UBAC2: variants seen among roughly 807,000 people sequenced by gnomAD.
UBAC2 encodes the protein ubiquitin-associated domain-containing protein 2.
In UBAC2, 26 loss-of-function variants were observed where a neutral mutation model predicts 44.0. The ratio of observed to expected loss-of-function variants is 0.59; its 90% confidence interval spans 0.43 to 0.82. The LOEUF is 0.82. Ranked by LOEUF, UBAC2 falls within the 40% of genes least tolerant of loss-of-function variation. The pLI is 0.00. For synonymous variants in UBAC2, 155 were observed against 154.3 expected, an observed-to-expected ratio of 1.00 and a Z score of -0.04; for missense variants, 329 against 419.4, an observed-to-expected ratio of 0.78 and a Z score of 1.88.
At chr13:99,345,714 T>C (rs7323390) in intron 7 of UBAC2, among the ~76,000 whole-genome samples, 39,347 of 151,196 alleles carry the variant, frequency 0.26, 5,957 homozygotes, top group African/African-American at 0.42. Flanking sequence ...CATCAGCTCT[T>C]GACAGGTACT....
intron 4 of UBAC2, among the ~76,000 whole-genome samples, chr13:99,262,968 T>C (rs1427157634): frequency 1.3e-5 from 2 of 152,176 alleles, no homozygotes; most frequent in Non-Finnish European, 2.9e-5. Context: ...CAGAGGTGAC[T>C]GTCAGGCATG....
chr13:99,230,139 A>G (rs892266626), intron 1 of UBAC2, among the ~76,000 whole-genome samples: 4 of 152,166 alleles, frequency 2.6e-5, no homozygotes, highest in Non-Finnish European at 5.9e-5. Flanking sequence ...TTGCTTCTCT[A>G]ACAAATTATC....
rs551017035 is a variant in UBAC2, at chr13:99,227,704, A to G, written c.32-10723A>G. ...GTTTTTCTGTCCTGTCTACACTCCA[A>G]ACCACAAGGCTAGGGACTTTGTCCA... On this transcript the variant is annotated intron_variant, in intron 1 of 8. Coordinates refer to ENST00000403766, the MANE Select transcript of UBAC2 (RefSeq NM_001144072.2). Among the ~76,000 whole-genome samples the G allele has an allele frequency of 2.9e-4, 44 of 152,302 alleles. 1 individual carries two copies. Among genetic ancestry groups the G allele is most frequent in the Admixed American group, 2.9e-3 (44 of 15,296 alleles).
At chr13:99,253,536 C>T (rs1382098626) in intron 4 of UBAC2, among the ~76,000 whole-genome samples, 3 of 151,034 alleles carry the variant, frequency 2.0e-5, no homozygotes, top group African/African-American at 4.9e-5. Context: ...TTTTTTGAGA[C>T]GGAGTCTCGC....
chr13:99,323,227 A>G (rs939530250), intron 6 of UBAC2, among the ~76,000 whole-genome samples: 1 of 152,122 alleles, frequency 6.6e-6, no homozygotes, highest in Non-Finnish European at 1.5e-5. Flanking sequence ...CTGATGCACA[A>G]GCCTCCCAGT....
intron 1 of UBAC2, among the ~76,000 whole-genome samples, chr13:99,202,903 T>G (rs1436654152): frequency 6.6e-6 from 1 of 152,222 alleles, no homozygotes; most frequent in Middle Eastern, 3.2e-3. Flanking sequence ...GTGCTTACAG[T>G]GCTGACGGAG....
intron 4 of UBAC2, among the ~76,000 whole-genome samples, chr13:99,304,428 C>T (rs2044301263): frequency 6.6e-6 from 1 of 152,142 alleles, no homozygotes; most frequent in African/African-American, 2.4e-5. Context: ...TGATTTTCTT[C>T]CCTGTCTCCC....
At chr13:99,204,964 T>G (rs557700228) in intron 1 of UBAC2, among the ~76,000 whole-genome samples, 1 of 140,970 alleles carries the variant, frequency 7.1e-6, no homozygotes, top group Admixed American at 7.5e-5. Flanking sequence ...AGTGCAGCGG[T>G]GTGATCTCAG....
At chr13:99,254,388 G>A (rs1406246320) in intron 4 of UBAC2, among the ~76,000 whole-genome samples, 1 of 152,156 alleles carries the variant, frequency 6.6e-6, no homozygotes, top group Non-Finnish European at 1.5e-5. Flanking sequence ...GCTGTAACAG[G>A]CCCCTTGGGT....
chr13:99,380,154 T>G (rs2045532346), intron 8 of UBAC2, among the ~76,000 whole-genome samples: 1 of 152,228 alleles, frequency 6.6e-6, no homozygotes, highest in Non-Finnish European at 1.5e-5. Flanking sequence ...ACTTGCCATT[T>G]GTACTGCCAT....
intron 4 of UBAC2, among the ~76,000 whole-genome samples, chr13:99,309,669 T>C (rs2044386563): frequency 1.3e-5 from 2 of 151,860 alleles, no homozygotes; most frequent in Admixed American, 1.3e-4. Flanking sequence ...GGCACGATCT[T>C]GGCTCACTGC....
At chr13:99,248,663 G>T (rs976746945) in intron 4 of UBAC2, among the ~76,000 whole-genome samples, 1 of 152,166 alleles carries the variant, frequency 6.6e-6, no homozygotes, top group African/African-American at 2.4e-5. Flanking sequence ...GATTACAGGC[G>T]TGAGCCACTG....
intron 8 of UBAC2, among the ~76,000 whole-genome samples, chr13:99,384,386 T>C (rs545512948): frequency 6.6e-6 from 1 of 152,380 alleles, no homozygotes; most frequent in East Asian, 1.9e-4. Context: ...TGTAATATAT[T>C]CTTAATTGGG....
At chr13:99,244,768 T>C (rs2043361383) in intron 4 of UBAC2, 144 bp downstream of exon 4, 1 of 476,800 alleles carries the variant, frequency 2.1e-6, no homozygotes, top group Non-Finnish European at 3.7e-6. Flanking sequence ...AAGTCTAATC[T>C]ATGCCTACAT....
At chr13:99,362,910 A>G (rs1417550641) in intron 7 of UBAC2, among the ~76,000 whole-genome samples, 1 of 152,212 alleles carries the variant, frequency 6.6e-6, no homozygotes, top group Admixed American at 6.5e-5. Context: ...ATTTTTAACC[A>G]CTTTTTTCAT....
At chr13:99,204,940 T>C (rs2042851033) in intron 1 of UBAC2, among the ~76,000 whole-genome samples, 2 of 144,728 alleles carry the variant, frequency 1.4e-5, no homozygotes, top group South Asian at 2.4e-4. Flanking sequence ...AGTCTTGCTC[T>C]GTCGCCAGGC....
At chr13:99,343,019 G>T (rs779941958) in intron 7 of UBAC2, among the ~76,000 whole-genome samples, 3 of 152,224 alleles carry the variant, frequency 2.0e-5, no homozygotes, top group African/African-American at 7.2e-5. Context: ...CACCAGCTGT[G>T]GTAGTCGGTG....
At chr13:99,294,888 G>A in intron 4 of UBAC2, 3 of 617,198 alleles carry the variant, frequency 4.9e-6, no homozygotes, top group Non-Finnish European at 2.7e-6. Context: ...TATGTTGTTT[G>A]CTTTATGTTG....
chr13:99,285,647 C>A (rs2044009592), intron 4 of UBAC2, among the ~76,000 whole-genome samples: 1 of 152,172 alleles, frequency 6.6e-6, no homozygotes, highest in Non-Finnish European at 1.5e-5. Flanking sequence ...CTGCCTTGGC[C>A]TCCCAGAGTG....
Sources: allele counts gnomAD v4.1 joint callset (sites outside exome capture counted in the v4.1 genomes callset), GRCh38; gene constraint gnomAD v4.1.1; transcripts MANE v1.5; gene names NCBI Gene and HGNC (gene_info 2026-07-23, HGNC 2026-07-21).